Variants in MEF2A observed in about 807,000 individuals in gnomAD.
MEF2A encodes myocyte enhancer factor 2A.
Under a neutral mutation model 55.8 loss-of-function variants are expected in MEF2A, and 28 were observed. The observed-to-expected ratio is 0.50, with a 90% CI of 0.37 to 0.69. The LOEUF (loss-of-function observed/expected upper bound fraction) is 0.69, where lower values mean the gene tolerates loss of function less well. MEF2A is among the 30% of genes least tolerant of loss of function. MEF2A has a pLI of 0.00. For synonymous variants in MEF2A, 239 were observed against 227.1 expected, an observed-to-expected ratio of 1.05 and a Z score of -0.47; for missense variants, 528 against 626.2, an observed-to-expected ratio of 0.84 and a Z score of 1.67.
intron 2 of MEF2A, among the ~76,000 whole-genome samples, chr15:99,606,065 C>A (rs1303949356): frequency 6.6e-6 from 1 of 152,042 alleles, no homozygotes; most frequent in Non-Finnish European, 1.5e-5. Flanking sequence ...AATAAAGCCA[C>A]AAGGATAAAC....
chr15:99,687,694 C>T (rs571903105), intron 7 of MEF2A, among the ~76,000 whole-genome samples: 2 of 152,264 alleles, frequency 1.3e-5, no homozygotes, highest in South Asian at 2.1e-4. Flanking sequence ...GTTATCAGTG[C>T]TTTCTATTTC....
intron 2 of MEF2A, among the ~76,000 whole-genome samples, chr15:99,621,317 A>G (rs999552924): frequency 1.3e-5 from 2 of 151,822 alleles, no homozygotes; most frequent in Non-Finnish European, 2.9e-5. Context: ...CCCCTGCCAT[A>G]TATTCACTCT....
chr15:99,616,012 G>A (rs1053364036), intron 2 of MEF2A, among the ~76,000 whole-genome samples: 8 of 151,988 alleles, frequency 5.3e-5, no homozygotes, highest in Non-Finnish European at 1.0e-4. Flanking sequence ...AAACTGTGTT[G>A]ACTTAAAAAT....
intron 1 of MEF2A, among the ~76,000 whole-genome samples, chr15:99,572,109 G>A (rs950305165): frequency 2.0e-5 from 3 of 147,594 alleles, no homozygotes; most frequent in African/African-American, 7.5e-5. Context: ...ATCTTCTGGT[G>A]ACTTCCCATT....
At chr15:99,619,886 C>G (rs1397404677) in intron 2 of MEF2A, among the ~76,000 whole-genome samples, 1 of 152,170 alleles carries the variant, frequency 6.6e-6, no homozygotes, top group Non-Finnish European at 1.5e-5. Flanking sequence ...TCTCACTTGG[C>G]TTGCAGTAAA....
chr15:99,706,475 G>A (rs2153811183), intron 9 of MEF2A: 1 of 437,210 alleles, frequency 2.3e-6, no homozygotes, highest in Non-Finnish European at 4.2e-6. Context: ...GCTAATGCCT[G>A]TAACAGAAGT....
rs201798240 is a variant in MEF2A, at chr15:99,669,231, TTAAC to T, written c.259-2089_259-2086del. Among the ~76,000 whole-genome samples, 854 of 152,290 alleles carry T rather than the reference TTAAC, an allele frequency of 5.6e-3. 2 individuals carry two copies. Among genetic ancestry groups the T allele is most frequent in the Non-Finnish European group, 9.3e-3 (631 of 68,012 alleles). On this transcript the variant is annotated intron_variant, in intron 4 of 11. Coordinates refer to ENST00000557942, the MANE Select transcript of MEF2A (RefSeq NM_001319206.4). Reference sequence around the variant, plus strand: ...AGCTTACTAAGAAGAGCAAGACTAATTAACTAGTCTTAAAATAGATGAAAATTGA... The same window carrying T: ...AGCTTACTAAGAAGAGCAAGACTAATTAGTCTTAAAATAGATGAAAATTGA...
intron 3 of MEF2A, among the ~76,000 whole-genome samples, chr15:99,644,628 T>C (rs761109560): frequency 2.0e-5 from 3 of 152,246 alleles, no homozygotes; most frequent in African/African-American, 4.8e-5. Context: ...TGCTGAACTT[T>C]ATGTTGTTGC....
chr15:99,599,587 G>A (rs1972312824), intron 2 of MEF2A, among the ~76,000 whole-genome samples: 1 of 152,060 alleles, frequency 6.6e-6, no homozygotes, highest in South Asian at 2.1e-4. Context: ...CTGAAGAACA[G>A]CCCATTTAAT....
At chr15:99,607,200 T>C (rs928272380) in intron 2 of MEF2A, among the ~76,000 whole-genome samples, 6 of 152,196 alleles carry the variant, frequency 3.9e-5, no homozygotes, top group African/African-American at 1.4e-4. Context: ...AGAGAGTTGC[T>C]ACCACAATAA....
At chr15:99,693,393 T>C (rs995915217) in intron 8 of MEF2A, among the ~76,000 whole-genome samples, 6 of 151,942 alleles carry the variant, frequency 3.9e-5, no homozygotes, top group Non-Finnish European at 5.9e-5. Flanking sequence ...AGTAGGATAA[T>C]TACTACTGCC....
chr15:99,568,825 C>T (rs1019808191), intron 1 of MEF2A, among the ~76,000 whole-genome samples: 8 of 152,258 alleles, frequency 5.3e-5, no homozygotes, highest in African/African-American at 7.2e-5. Flanking sequence ...GACCATACCC[C>T]GGTTACTCAT....
intron 2 of MEF2A, among the ~76,000 whole-genome samples, chr15:99,632,387 T>C (rs972722822): frequency 3.3e-5 from 5 of 152,202 alleles, no homozygotes; most frequent in African/African-American, 4.8e-5. Flanking sequence ...GGCTGGAGGC[T>C]AGGGCAATTT....
intron 4 of MEF2A, among the ~76,000 whole-genome samples, chr15:99,651,610 G>A (rs2046858089): frequency 1.3e-5 from 2 of 152,140 alleles, no homozygotes; most frequent in South Asian, 4.1e-4. Context: ...ACAGGGTGAG[G>A]CACATAGTCC....
At chr15:99,628,305 A>G (rs959085845) in intron 2 of MEF2A, among the ~76,000 whole-genome samples, 38 of 152,116 alleles carry the variant, frequency 2.5e-4, no homozygotes, top group Admixed American at 2.6e-4. Context: ...GTCTTTCACT[A>G]TGCTTTTACT....
At chr15:99,585,242 A>G (rs1966861654) in intron 1 of MEF2A, among the ~76,000 whole-genome samples, 1 of 152,200 alleles carries the variant, frequency 6.6e-6, no homozygotes, top group Non-Finnish European at 1.5e-5. Flanking sequence ...TGTTCTGCCC[A>G]TCTGTCTATC....
At chr15:99,631,011 G>A (rs558484382) in intron 2 of MEF2A, among the ~76,000 whole-genome samples, 3 of 152,104 alleles carry the variant, frequency 2.0e-5, no homozygotes, top group Admixed American at 6.6e-5. Flanking sequence ...CCAGATCTCC[G>A]CCCTGCAGAT....
At chr15:99,700,105 G>A (rs910108848) in intron 8 of MEF2A, among the ~76,000 whole-genome samples, 3 of 137,060 alleles carry the variant, frequency 2.2e-5, no homozygotes, top group African/African-American at 5.3e-5. Context: ...ACATCTGCCC[G>A]CCTCAGCCTC....
intron 1 of MEF2A, among the ~76,000 whole-genome samples, chr15:99,595,389 G>A (rs1204358213): frequency 6.6e-6 from 1 of 151,754 alleles, no homozygotes; most frequent in Non-Finnish European, 1.5e-5. Flanking sequence ...TCTCATTAAG[G>A]ACTTTTCCAC....
Sources: allele counts gnomAD v4.1 joint callset (sites outside exome capture counted in the v4.1 genomes callset), GRCh38; gene constraint gnomAD v4.1.1; transcripts MANE v1.5; gene names NCBI Gene and HGNC (gene_info 2026-07-23, HGNC 2026-07-21).